The following PARN variants were observed in gnomAD, a reference collection of about 807,000 sequenced individuals.
The protein encoded by PARN is poly(A)-specific ribonuclease.
A neutral mutation model predicts 102.8 loss-of-function variants in PARN; 71 were observed. The observed-to-expected ratio is 0.69, with a 90% CI of 0.57 to 0.84. The LOEUF is 0.84. Among genes scored for constraint, PARN ranks in the 40% least tolerant of loss-of-function variants. PARN has a pLI of 0.00. For synonymous variants in PARN, 261 were observed against 252.9 expected (o/e 1.03, Z -0.30); for missense variants, 782 against 760.9 (o/e 1.03, Z -0.33).
intron 21 of PARN, among the ~76,000 whole-genome samples, chr16:14,494,757 G>C (rs144695152): frequency 6.6e-6 from 1 of 152,276 alleles, no homozygotes; most frequent in East Asian, 1.9e-4. Context: ...AGGACGCCAG[G>C]GTAATAAATA....
At chr16:14,581,688 G>C (rs1456735344) in intron 17 of PARN, among the ~76,000 whole-genome samples, 2 of 152,152 alleles carry the variant, frequency 1.3e-5, no homozygotes, top group African/African-American at 4.8e-5. Context: ...GGGAGGCTGA[G>C]GTAGGAGGAT....
At chr16:14,505,835 C>A (rs909744221) in intron 21 of PARN, among the ~76,000 whole-genome samples, 1 of 152,106 alleles carries the variant, frequency 6.6e-6, no homozygotes. Context: ...CATCCTTGCA[C>A]AAAGAGGTCA....
chr16:14,556,615 C>T (rs1255010007), intron 18 of PARN, among the ~76,000 whole-genome samples: 1 of 152,140 alleles, frequency 6.6e-6, no homozygotes, highest in Admixed American at 6.5e-5. Context: ...GCTAAATGAA[C>T]AAAATTAATC....
At chr16:14,532,980 C>A (rs1280834634) in intron 21 of PARN, among the ~76,000 whole-genome samples, 1 of 152,130 alleles carries the variant, frequency 6.6e-6, no homozygotes, top group African/African-American at 2.4e-5. Context: ...CAGGCAGAGA[C>A]GTTCCTCACT....
intron 21 of PARN, among the ~76,000 whole-genome samples, chr16:14,531,320 C>T (rs1208792940): frequency 6.6e-6 from 1 of 151,856 alleles, no homozygotes; most frequent in Non-Finnish European, 1.5e-5. Context: ...TGAGATCACA[C>T]CACCGCACTC....
intron 21 of PARN, among the ~76,000 whole-genome samples, chr16:14,539,142 C>T (rs1482177372): frequency 6.6e-6 from 1 of 152,154 alleles, no homozygotes; most frequent in African/African-American, 2.4e-5. Flanking sequence ...CATTCCCTAC[C>T]CCTGCTCCCA....
At position 14,593,304 on chromosome 16, in the gene PARN, A is replaced by T; in HGVS notation, c.915T>A (p.Pro305=). The part of the protein sequence containing the change: ...HTVHQFYCPL[P]ADLSEFKEMT... ...CACAGACCAACAGGTCACTTACCGC[A>T]GGCAGAGGGCAGTAGAACTGATGAA... The change falls in exon 13 of 24, where the codon CCT becomes CCA. Residue 305 remains proline (P), a synonymous_variant. Coordinates refer to ENST00000437198, the MANE Select transcript of PARN (RefSeq NM_002582.4). 1.3e-6 allele frequency: 2 copies of T among 1,558,690 alleles called. No homozygotes were observed. The highest frequency in any genetic ancestry group is 1.8e-6 in the Non-Finnish European group (2 of 1,129,746).
At chr16:14,605,973 A>G (rs1266320608) in intron 10 of PARN, among the ~76,000 whole-genome samples, 1 of 152,194 alleles carries the variant, frequency 6.6e-6, no homozygotes, top group Non-Finnish European at 1.5e-5. Context: ...TAAAAAGGCT[A>G]TGAGAAAGTA....
chr16:14,499,404 A>G (rs1596521515), intron 21 of PARN, among the ~76,000 whole-genome samples: 1 of 152,318 alleles, frequency 6.6e-6, no homozygotes, highest in East Asian at 1.9e-4. Context: ...AACTTTTCCC[A>G]TTTGCTGAGG....
intron 5 of PARN, 62 bp from the exon 6 acceptor site, chr16:14,617,712 G>T: frequency 4.2e-6 from 4 of 957,382 alleles, no homozygotes; most frequent in Non-Finnish European, 6.9e-6. Context: ...ATAAAGAGAT[G>T]CAGAGAAGTA....
intron 6 of PARN, among the ~76,000 whole-genome samples, chr16:14,612,160 CG>C (rs1971554008): frequency 6.6e-6 from 1 of 152,056 alleles, no homozygotes; most frequent in Admixed American, 6.5e-5. Context: ...ACCTTGCGGC[CG>C]GGCATGGTGG....
chr16:14,613,785 T>C (rs1336047257), intron 6 of PARN, among the ~76,000 whole-genome samples: 1 of 152,104 alleles, frequency 6.6e-6, no homozygotes, highest in African/African-American at 2.4e-5. Flanking sequence ...ATCACCAGTA[T>C]TGGGACAAAT....
intron 21 of PARN, 64 bp downstream of exon 21, chr16:14,551,957 G>C: frequency 2.0e-6 from 2 of 982,600 alleles, no homozygotes; most frequent in Admixed American, 1.9e-5. Context: ...TTAAATTAAG[G>C]GGGCAGTGGG....
At chr16:14,573,047 C>A (rs1356620289) in intron 18 of PARN, among the ~76,000 whole-genome samples, 1 of 152,014 alleles carries the variant, frequency 6.6e-6, no homozygotes, top group Non-Finnish European at 1.5e-5. Flanking sequence ...TGCCACCATT[C>A]CCAGCTAATT....
intron 18 of PARN, among the ~76,000 whole-genome samples, chr16:14,559,227 GT>G (rs963443305): frequency 1.6e-4 from 24 of 145,938 alleles, no homozygotes; most frequent in African/African-American, 3.3e-4. Flanking sequence ...AGATGTTGTT[GT>G]TTTTTTTTTA....
chr16:14,596,876 T>A (rs143231197), intron 12 of PARN, among the ~76,000 whole-genome samples: 170 of 149,782 alleles, frequency 1.1e-3, no homozygotes, highest in African/African-American at 4.0e-3. Flanking sequence ...AACCCCCGCC[T>A]CCTAGGTTCA....
Position 14,586,381 on chromosome 16 carries a change from C to T in PARN, c.919-20G>A, listed in dbSNP as rs1481971946. On this transcript the variant is annotated intron_variant, in intron 13 of 23. Transcript: ENST00000437198. Reference sequence around the variant, plus strand: ...TAAGTCCTAAAGAACAAGAGAAGGACTTGTTACAATTTTCCTAATACACTC... The same window carrying T: ...TAAGTCCTAAAGAACAAGAGAAGGATTTGTTACAATTTTCCTAATACACTC... The T allele has an allele frequency of 1.4e-6, 2 of 1,474,110 alleles. No individual in the cohort carries two copies. Among genetic ancestry groups the T allele is most frequent in the Admixed American group, 2.0e-5 (1 of 50,898 alleles). The allele number at this position is 1,474,110 out of a possible 1,614,324, so 91.3% of individuals were successfully genotyped here.
chr16:14,520,636 T>C (rs1000784487), intron 21 of PARN, among the ~76,000 whole-genome samples: 22 of 151,494 alleles, frequency 1.5e-4, no homozygotes, highest in South Asian at 1.3e-3. Flanking sequence ...GAGGTGGAGG[T>C]TGCAGCGAGT....
At chr16:14,466,539 G>C (rs1211692118) in intron 22 of PARN, among the ~76,000 whole-genome samples, 2 of 152,154 alleles carry the variant, frequency 1.3e-5, no homozygotes, top group Non-Finnish European at 2.9e-5. Flanking sequence ...GGATGGACCA[G>C]ATCACTTCCA....
Sources: allele counts gnomAD v4.1 joint callset (sites outside exome capture counted in the v4.1 genomes callset), GRCh38; gene constraint gnomAD v4.1.1; transcripts MANE v1.5; gene names NCBI Gene and HGNC (gene_info 2026-07-23, HGNC 2026-07-21).